The following ACVR1C variants were observed in gnomAD, a reference collection of about 807,000 sequenced individuals.
The protein encoded by ACVR1C is activin A receptor type 1C.
ACVR1C carries 23 observed loss-of-function variants against 57.9 expected under a neutral mutation model. The observed-to-expected ratio is 0.40, with a 90% confidence interval of 0.29 to 0.56. ACVR1C has a LOEUF of 0.56. Ranked by LOEUF, ACVR1C falls within the 20% of genes least tolerant of loss-of-function variation. The pLI is 0.50. For synonymous variants in ACVR1C, 214 were observed against 215.3 expected (o/e 0.99, Z 0.05); for missense variants, 480 against 607.9 (o/e 0.79, Z 2.21).
At chr2:157,558,336 T>C (rs1185248049) in intron 2 of ACVR1C, among the ~76,000 whole-genome samples, 1 of 152,232 alleles carries the variant, frequency 6.6e-6, no homozygotes, top group African/African-American at 2.4e-5. Flanking sequence ...TCTCCAGATG[T>C]CCTCTTTGCA....
At chr2:157,563,824 C>G (rs1179834461) in intron 2 of ACVR1C, among the ~76,000 whole-genome samples, 1 of 152,176 alleles carries the variant, frequency 6.6e-6, no homozygotes, top group Non-Finnish European at 1.5e-5. Context: ...ACATCTACAA[C>G]CATCTGATCT....
chr2:157,553,925 G>A (rs982994037), intron 3 of ACVR1C, among the ~76,000 whole-genome samples: 4 of 151,918 alleles, frequency 2.6e-5, no homozygotes, highest in African/African-American at 9.7e-5. Flanking sequence ...GCTCACACCT[G>A]TAATCCCAGC....
intron 1 of ACVR1C, among the ~76,000 whole-genome samples, chr2:157,595,231 G>A (rs1008182369): frequency 1.3e-5 from 2 of 152,240 alleles, no homozygotes; most frequent in Admixed American, 6.5e-5. Context: ...TAGATAGGAA[G>A]ATGGCAGTCT....
intron 2 of ACVR1C, among the ~76,000 whole-genome samples, chr2:157,559,759 C>T (rs902800176): frequency 6.6e-5 from 10 of 152,008 alleles, no homozygotes; most frequent in African/African-American, 2.4e-4. Flanking sequence ...AAAGCACTAA[C>T]CCATAAAGGT....
chr2:157,624,665 T>G, intron 1 of ACVR1C, among the ~76,000 whole-genome samples: 2 of 151,954 alleles, frequency 1.3e-5, no homozygotes, highest in South Asian at 4.2e-4. Flanking sequence ...GTGCAAAGAG[T>G]TGGGAGTGAC....
intron 2 of ACVR1C, among the ~76,000 whole-genome samples, chr2:157,559,968 G>C (rs1688198210): frequency 6.6e-6 from 1 of 151,408 alleles, no homozygotes; most frequent in African/African-American, 2.4e-5. Flanking sequence ...GGGAGGGAAG[G>C]AAGAAAAGGA....
At chr2:157,548,982 C>A (rs1687840122) in intron 4 of ACVR1C, among the ~76,000 whole-genome samples, 1 of 152,132 alleles carries the variant, frequency 6.6e-6, no homozygotes, top group African/African-American at 2.4e-5. Context: ...GTTGAACATT[C>A]AGCTAGTATT....
At chr2:157,604,807 A>T (rs184227484) in intron 1 of ACVR1C, among the ~76,000 whole-genome samples, 156 of 151,932 alleles carry the variant, frequency 1.0e-3, no homozygotes, top group African/African-American at 3.5e-3. Flanking sequence ...GCTTTATAAG[A>T]TATGTGTTTT....
intron 2 of ACVR1C, among the ~76,000 whole-genome samples, chr2:157,573,329 T>G (rs891285483): frequency 6.6e-6 from 1 of 152,196 alleles, no homozygotes; most frequent in Non-Finnish European, 1.5e-5. Flanking sequence ...AGGCAGAAAT[T>G]GTATTGAAGT....
intron 1 of ACVR1C, among the ~76,000 whole-genome samples, chr2:157,616,178 C>T (rs1573957869): frequency 6.6e-6 from 1 of 152,114 alleles, no homozygotes; most frequent in East Asian, 1.9e-4. Context: ...TACCCCATAC[C>T]TCTTGGATGC....
intron 1 of ACVR1C, among the ~76,000 whole-genome samples, chr2:157,620,695 C>T (rs1682753110): frequency 6.6e-6 from 1 of 152,116 alleles, no homozygotes. Context: ...CCAATGATCA[C>T]ATCAGGAGAA....
At chr2:157,596,832 C>T (rs1682131006) in intron 1 of ACVR1C, among the ~76,000 whole-genome samples, 1 of 151,972 alleles carries the variant, frequency 6.6e-6, no homozygotes, top group Non-Finnish European at 1.5e-5. Context: ...AGAGTCAAGG[C>T]AGGGAGGGAG....
At chr2:157,585,794 A>C (rs903257452) in intron 2 of ACVR1C, among the ~76,000 whole-genome samples, 2 of 152,184 alleles carry the variant, frequency 1.3e-5, no homozygotes, top group Non-Finnish European at 2.9e-5. Flanking sequence ...AAGGAAGTCT[A>C]TGGCATCTGA....
intron 1 of ACVR1C, among the ~76,000 whole-genome samples, chr2:157,599,027 T>C (rs1682207812): frequency 6.6e-6 from 1 of 151,894 alleles, no homozygotes; most frequent in South Asian, 2.1e-4. Flanking sequence ...ATATGGAATA[T>C]TCTGGAAACT....
At chr2:157,564,162 A>G (rs1688305522) in intron 2 of ACVR1C, among the ~76,000 whole-genome samples, 1 of 152,232 alleles carries the variant, frequency 6.6e-6, no homozygotes, top group Admixed American at 6.5e-5. Context: ...AGAAACTATC[A>G]TCAGAGTGAA....
intron 1 of ACVR1C, among the ~76,000 whole-genome samples, chr2:157,589,807 C>T (rs1229548767): frequency 2.6e-5 from 4 of 151,854 alleles, no homozygotes; most frequent in Non-Finnish European, 4.4e-5. Context: ...GTAACCAAAA[C>T]GGCATGGTAC....
intron 1 of ACVR1C, among the ~76,000 whole-genome samples, chr2:157,588,704 T>TTTTCGAGTTACTTCAC (rs1688985588): frequency 6.6e-6 from 1 of 150,734 alleles, no homozygotes; most frequent in Admixed American, 6.6e-5. Flanking sequence ...TTATTTTCTG[T>TTTTCGAGTTACTTCAC]TTTCGAGTTA....
chr2:157,573,769 G>A (rs1481379783), intron 2 of ACVR1C, among the ~76,000 whole-genome samples: 3 of 151,994 alleles, frequency 2.0e-5, no homozygotes, highest in African/African-American at 7.3e-5. Flanking sequence ...CTATCACCCA[G>A]AGTCTACAGA....
chr2:157,536,699 T>C lies in ACVR1C; in HGVS notation c.1356+1874A>G, dbSNP rs796721763. Among the ~76,000 whole-genome samples the C allele has an allele frequency of 3.3e-5, 5 of 152,182 alleles. No individual in the cohort carries two copies. In the South Asian group the frequency reaches 6.2e-4, roughly 19 times the overall value. On this transcript the variant is annotated intron_variant, in intron 8 of 8. Coordinates refer to ENST00000243349, the MANE Select transcript of ACVR1C (RefSeq NM_145259.3). ...TCACATCAGGAAGTCAGAAAATGATTTGAGAGGTAAGAAGAAATGTTGAGC... is the reference window on the plus strand; with the variant it reads ...TCACATCAGGAAGTCAGAAAATGATCTGAGAGGTAAGAAGAAATGTTGAGC...
Sources: gnomAD v4.1 joint callset for allele counts (sites outside exome capture counted in the v4.1 genomes callset) on GRCh38, gnomAD v4.1.1 for gene constraint, MANE v1.5 for transcripts, NCBI Gene and HGNC (gene_info 2026-07-23, HGNC 2026-07-21) for gene names.